The following DSE variants were observed in gnomAD, a reference collection of about 807,000 sequenced individuals.
DSE encodes the protein dermatan sulfate epimerase, also known as dermatan-sulfate epimerase.
A neutral mutation model predicts 84.4 loss-of-function variants in DSE; 36 were observed. That is an observed-to-expected ratio of 0.43 (90% CI 0.33 to 0.56). DSE has a LOEUF of 0.56. DSE is among the 20% of genes least tolerant of loss of function. DSE has a pLI of 0.06. For missense variants in DSE, 862 were observed against 1,169.6 expected, an observed-to-expected ratio of 0.74 and a Z score of 3.84; for synonymous variants, 410 against 430.1, an observed-to-expected ratio of 0.95 and a Z score of 0.58.
At chr6:116,313,692 T>C (rs903766822) in intron 2 of DSE, among the ~76,000 whole-genome samples, 5 of 152,238 alleles carry the variant, frequency 3.3e-5, no homozygotes, top group Non-Finnish European at 5.9e-5. Flanking sequence ...AGGCATTCTT[T>C]TTCTCTTATT....
intron 2 of DSE, among the ~76,000 whole-genome samples, chr6:116,347,253 G>T (rs527696295): frequency 6.6e-6 from 1 of 152,240 alleles, no homozygotes; most frequent in Non-Finnish European, 1.5e-5. Context: ...TTTCTTCACA[G>T]AATTGGAGAA....
chr6:116,407,173 T>C (rs963367925), intron 2 of DSE, among the ~76,000 whole-genome samples: 4 of 152,066 alleles, frequency 2.6e-5, no homozygotes, highest in Admixed American at 2.0e-4. Context: ...CTTCTTGGAG[T>C]AGGCCACAGA....
intron 1 of DSE, among the ~76,000 whole-genome samples, chr6:116,393,615 G>A (rs1781048629): frequency 6.6e-6 from 1 of 152,194 alleles, no homozygotes; most frequent in Non-Finnish European, 1.5e-5. Context: ...CAGAAGGGAG[G>A]TTTTGAGAGT....
chr6:116,378,503 A>T (rs1350039460), intron 1 of DSE, among the ~76,000 whole-genome samples: 1 of 152,184 alleles, frequency 6.6e-6, no homozygotes, highest in Non-Finnish European at 1.5e-5. Context: ...TATTGATCAT[A>T]TATAAGATCA....
chr6:116,313,262 C>T (rs1212936957), intron 2 of DSE, among the ~76,000 whole-genome samples: 1 of 152,192 alleles, frequency 6.6e-6, no homozygotes, highest in African/African-American at 2.4e-5. Context: ...CCTGCCAATA[C>T]CTTGAATTCT....
chr6:116,320,695 G>C (rs1043912238), intron 2 of DSE, among the ~76,000 whole-genome samples: 1 of 152,116 alleles, frequency 6.6e-6, no homozygotes, highest in African/African-American at 2.4e-5. Context: ...CTCTATTGCT[G>C]CCTCTTCACA....
chr6:116,298,573 C>T (rs1774810191), intron 2 of DSE, among the ~76,000 whole-genome samples: 1 of 152,148 alleles, frequency 6.6e-6, no homozygotes, highest in African/African-American at 2.4e-5. Context: ...AAATGTAGCC[C>T]TTCTGATACC....
intron 2 of DSE, among the ~76,000 whole-genome samples, chr6:116,344,529 A>G (rs1777826356): frequency 6.8e-6 from 1 of 146,564 alleles, no homozygotes; most frequent in Admixed American, 6.9e-5. Flanking sequence ...ATATCCAGCC[A>G]AACTAAGCTT....
At chr6:116,425,605 TTTTA>T (rs201895043) in intron 2 of DSE, among the ~76,000 whole-genome samples, 52,970 of 143,046 alleles carry the variant, frequency 0.37, 11,904 homozygotes, top group Admixed American at 0.51. Flanking sequence ...TTTTATTTTA[TTTTA>T]TTTATTTTTA....
At chr6:116,358,657 G>T (rs1451228683) in intron 2 of DSE, among the ~76,000 whole-genome samples, 2 of 152,184 alleles carry the variant, frequency 1.3e-5, no homozygotes, top group African/African-American at 2.4e-5. Flanking sequence ...CTTCCTATTG[G>T]AAGAGCTACG....
Position 116,286,111 on chromosome 6 carries a change from C to A in DSE, c.-54+27144C>A, listed in dbSNP as rs551901160. Among the ~76,000 whole-genome samples the A allele has an allele frequency of 1.6e-4, 25 of 152,258 alleles. 1 individual carries two copies. The East Asian group carries it at 4.4e-3, about 27-fold the overall frequency. ...CATTGAATCTATAAATTACCTTGGG[C>A]AGTATGGCCATTTTCAGGATATTGA... On this transcript the variant is annotated intron_variant, in intron 2 of 3. Transcript: ENST00000430252.
chr6:116,359,602 A>G (rs1778774089), intron 2 of DSE, among the ~76,000 whole-genome samples: 1 of 152,254 alleles, frequency 6.6e-6, no homozygotes, highest in East Asian at 1.9e-4. Flanking sequence ...AGAGAACGAC[A>G]GCTGATAGAT....
At position 116,399,256 on chromosome 6, in the gene DSE, G is replaced by T. The variant is rs1781437635; in HGVS notation, c.6G>T (p.Arg2Ser). The T allele has an allele frequency of 6.2e-7, 1 of 1,613,664 alleles. No homozygotes were observed. Among genetic ancestry groups the T allele is most frequent in the African/African-American group, 1.3e-5 (1 of 74,900 alleles). ...TTTGGAGATCTGATGCCACGATGAG[G>T]ACTCACACACGGGGGGCTCCCAGTG... M[R>S]THTRGAPSVF... The change falls in exon 2 of 6, where the codon AGG becomes AGT. Residue 2 changes from arginine to serine, a missense_variant. By Grantham distance (110) the Arg-to-Ser change is moderately radical. Coordinates refer to ENST00000644252, the MANE Select transcript of DSE (RefSeq NM_013352.4).
chr6:116,288,645 T>C (rs1168393061), intron 2 of DSE, among the ~76,000 whole-genome samples: 1 of 152,112 alleles, frequency 6.6e-6, no homozygotes, highest in African/African-American at 2.4e-5. Flanking sequence ...TTTAAATTAA[T>C]TAAAATGAAG....
At chr6:116,254,428 G>A (rs539686655) in intron 1 of DSE, 1 of 384,264 alleles carries the variant, frequency 2.6e-6, no homozygotes, top group East Asian at 8.0e-5. Context: ...CTTCTCCTGA[G>A]TAGGAAAGTG....
chr6:116,311,098 C>G (rs895009042), intron 2 of DSE, among the ~76,000 whole-genome samples: 1 of 152,192 alleles, frequency 6.6e-6, no homozygotes, highest in South Asian at 2.1e-4. Context: ...ATGGCTTGCT[C>G]TCACATCATT....
chr6:116,366,686 T>A (rs955665839), upstream of DSE: 3 of 152,234 alleles, frequency 2.0e-5, no homozygotes, highest in African/African-American at 7.2e-5. Flanking sequence ...AATGAGGCTT[T>A]AGACACAAAA....
At chr6:116,424,924 A>G (rs1005615979) in intron 2 of DSE, among the ~76,000 whole-genome samples, 1 of 152,232 alleles carries the variant, frequency 6.6e-6, no homozygotes, top group African/African-American at 2.4e-5. Flanking sequence ...TGAGAGAACT[A>G]ATACATCTTA....
intron 2 of DSE, among the ~76,000 whole-genome samples, chr6:116,414,531 G>C (rs1406714025): frequency 6.6e-6 from 1 of 152,086 alleles, no homozygotes; most frequent in African/African-American, 2.4e-5. Flanking sequence ...TCCTGCCTCA[G>C]CCTCCCTAGT....
Sources: allele counts gnomAD v4.1 joint callset (sites outside exome capture counted in the v4.1 genomes callset), GRCh38; gene constraint gnomAD v4.1.1; transcripts MANE v1.5; gene names NCBI Gene and HGNC (gene_info 2026-07-23, HGNC 2026-07-21).